Variants in TP73 observed in about 807,000 individuals in gnomAD.
TP73 encodes the protein tumor protein p73, also known as p53-like transcription factor.
TP73 carries 25 observed loss-of-function variants against 62.5 expected under a neutral mutation model. That is an observed-to-expected ratio of 0.40 (90% CI 0.29 to 0.56). TP73 has a LOEUF of 0.56. Among genes scored for constraint, TP73 ranks in the 20% least tolerant of loss-of-function variants. The pLI is 0.46. For missense variants in TP73, 754 were observed against 913.3 expected, an observed-to-expected ratio of 0.83 and a Z score of 2.25; for synonymous variants, 423 against 377.5, an observed-to-expected ratio of 1.12 and a Z score of -1.40.
At chr1:3,720,535 G>T (rs781222703) in intron 4 of TP73, among the ~76,000 whole-genome samples, 1 of 152,206 alleles carries the variant, frequency 6.6e-6, no homozygotes, top group South Asian at 2.1e-4. Context: ...GGTCTCATTC[G>T]GGGAGCCCAA....
Position 3,701,432 on chromosome 1 carries a change from G to A in TP73, c.187-6117G>A, listed in dbSNP as rs372137125. On this transcript the variant is annotated intron_variant, in intron 3 of 13. Transcript: ENST00000378295. The surrounding 1 kb of genome is among the most constrained non-coding windows in gnomAD (Gnocchi z 4.7). ...GGGCTCCCGGGCGAGAGTCACTTCCGATGAAGTCTCAGGTTACCATACTTC... is the reference window on the plus strand; with the variant it reads ...GGGCTCCCGGGCGAGAGTCACTTCCAATGAAGTCTCAGGTTACCATACTTC... 6.6e-6 allele frequency among the ~76,000 whole-genome samples: 1 copy of A among 152,090 alleles called. No individual in the cohort carries two copies. Among genetic ancestry groups the A allele is most frequent in the African/African-American group, 2.4e-5 (1 of 41,402 alleles).
chr1:3,706,040 G>A lies in TP73; in HGVS notation c.187-1509G>A, dbSNP rs147142582. ...TTTTTTGGATTGGAGGGGGCAGGCT[G>A]GTGGGAGGGAAGAGTGTGCTCACAG... On this transcript the variant is annotated intron_variant, in intron 3 of 13. Coordinates refer to ENST00000378295, the MANE Select transcript of TP73 (RefSeq NM_005427.4). Among the ~76,000 whole-genome samples the A allele has an allele frequency of 2.2e-3, 332 of 152,310 alleles. 1 individual carries two copies. Among genetic ancestry groups the A allele is most frequent in the Non-Finnish European group, 4.0e-3 (273 of 68,020 alleles).
At chr1:3,707,169 C>T (rs1053169601) in intron 3 of TP73, among the ~76,000 whole-genome samples, 13 of 152,192 alleles carry the variant, frequency 8.5e-5, no homozygotes, top group African/African-American at 2.9e-4. Context: ...TGGATCTCCC[C>T]ACTTTGAGCT....
intron 1 of TP73, among the ~76,000 whole-genome samples, chr1:3,680,788 C>T (rs1043530561): frequency 2.6e-5 from 4 of 152,372 alleles, no homozygotes; most frequent in Admixed American, 2.6e-4. Context: ...TCCCCATGCA[C>T]ACCCTCAGCT....
At chr1:3,680,968 C>T (rs1378896334) in intron 1 of TP73, among the ~76,000 whole-genome samples, 2 of 152,262 alleles carry the variant, frequency 1.3e-5, no homozygotes, top group Admixed American at 6.5e-5. Context: ...ACACAAGTCA[C>T]TTAACCCCTC....
chr1:3,724,083 G>A (rs947170809), intron 6 of TP73, among the ~76,000 whole-genome samples: 1 of 151,908 alleles, frequency 6.6e-6, no homozygotes, highest in African/African-American at 2.4e-5. Context: ...GAGGGGACAC[G>A]GAGAGGCTGG....
At chr1:3,679,970 CCT>C (rs1287097029) in intron 1 of TP73, among the ~76,000 whole-genome samples, 2 of 149,916 alleles carry the variant, frequency 1.3e-5, no homozygotes, top group Non-Finnish European at 3.0e-5. Flanking sequence ...TCTCTTTGTC[CCT>C]GTCTCTCTGT....
Position 3,731,542 on chromosome 1 carries a change from A to G in TP73, c.1564A>G (p.Asn522Asp). ...QGLQSIYHLQ[N>D]LTIEDLGALK... ...GTTACAGAGCATTTACCACCTGCAG[A>G]ACCTGACCATTGAGGTAACGCCCGG... Residue 522 changes from asparagine to aspartate, a missense_variant, in exon 13 of 14, where the codon AAC becomes GAC. Around this residue, in one of 3 missense-constraint regions of TP73, gnomAD observed 458 missense variants for 528.7 expected, o/e 0.87. Transcript: ENST00000378295. 3 of 1,613,814 alleles carry G rather than the reference A, an allele frequency of 1.9e-6. No individual in the cohort carries two copies. Among genetic ancestry groups the G allele is most frequent in the South Asian group, 2.2e-5 (2 of 91,088 alleles).
chr1:3,713,416 G>T (rs1640325423), intron 4 of TP73, among the ~76,000 whole-genome samples: 1 of 152,196 alleles, frequency 6.6e-6, no homozygotes, highest in South Asian at 2.1e-4. Context: ...GCCGTCCCAG[G>T]CTTCTCCTGG....
intron 1 of TP73, among the ~76,000 whole-genome samples, chr1:3,665,510 C>T (rs1204118853): frequency 6.6e-6 from 1 of 152,172 alleles, no homozygotes; most frequent in Non-Finnish European, 1.5e-5. Context: ...AGAGTCTACT[C>T]TTGACGATGA....
intron 1 of TP73, among the ~76,000 whole-genome samples, chr1:3,679,319 C>T (rs2102074254): frequency 6.6e-6 from 1 of 152,364 alleles, no homozygotes; most frequent in African/African-American, 2.4e-5. Context: ...CTGAGCCCTG[C>T]GCGGAGGGAT....
At chr1:3,728,548 G>C (rs997605662) in intron 9 of TP73, among the ~76,000 whole-genome samples, 15 of 152,236 alleles carry the variant, frequency 9.9e-5, no homozygotes, top group Non-Finnish European at 1.3e-4. Flanking sequence ...CCTAACGTTG[G>C]CCAGGACCCG....
intron 3 of TP73, among the ~76,000 whole-genome samples, chr1:3,693,915 G>T (rs1305730880): frequency 4.7e-5 from 1 of 21,062 alleles, no homozygotes; most frequent in Non-Finnish European, 1.4e-4. Flanking sequence ...CAGCCCTGCA[G>T]CCTCAGCCCC....
intron 7 of TP73, 63 bp downstream of exon 7, chr1:3,727,287 G>A (rs1641728321): frequency 6.7e-7 from 1 of 1,490,084 alleles, no homozygotes; most frequent in African/African-American, 1.4e-5. Context: ...CGGGGGAGAA[G>A]GGGAGCTGTC....
chr1:3,687,981 T>C (rs1332592035), intron 3 of TP73, among the ~76,000 whole-genome samples: 1 of 151,762 alleles, frequency 6.6e-6, no homozygotes, highest in Non-Finnish European at 1.5e-5. Context: ...CAGGGAGAGG[T>C]ATTCTCCCCA....
In TP73 at chr1:3,682,426, T is replaced by G. The variant is rs1645546401; in HGVS notation, c.61T>G (p.Ser21Ala). ...GGTTFEHLWSSLEPDSTYFDL... is the reference protein window; with the variant it reads ...GGTTFEHLWSALEPDSTYFDL... ...CACCACGTTTGAGCACCTCTGGAGC[T>G]CTCTGTGAGTGCGCTTGGCTGGCCA... is the stretch of plus-strand genomic sequence containing the variant. Residue 21 changes from serine (S) to alanine (A), a missense_variant, in exon 2 of 14, where the codon TCT becomes GCT. Coordinates refer to ENST00000378295, the MANE Select transcript of TP73 (RefSeq NM_005427.4). The G allele has an allele frequency of 6.5e-7, 1 of 1,533,890 alleles. No homozygotes were observed. Among genetic ancestry groups the G allele is most frequent in the Non-Finnish European group, 8.8e-7 (1 of 1,131,498 alleles).
In TP73 at chr1:3,720,634, G is replaced by A. The variant is rs555561198; in HGVS notation, c.430-1387G>A. Among the ~76,000 whole-genome samples the A allele has an allele frequency of 2.1e-4, 32 of 152,312 alleles. 1 individual carries two copies. Among genetic ancestry groups the A allele is most frequent in the African/African-American group, 7.2e-4 (30 of 41,574 alleles). On this transcript the variant is annotated intron_variant, in intron 4 of 13. Transcript: ENST00000378295. ...ACCCAGGCCCCACCCACCATGGCTC[G>A]CAGCCTCCGTCAGCTCCATCTCCCC... is the stretch of plus-strand genomic sequence containing the variant.
At chr1:3,694,917 C>G in intron 3 of TP73, among the ~76,000 whole-genome samples, 1 of 94,126 alleles carries the variant, frequency 1.1e-5, no homozygotes, top group East Asian at 2.6e-4. Flanking sequence ...CCCCTCCTCC[C>G]GCAATCCCAG....
chr1:3,693,779 C>G (rs867978971), intron 3 of TP73, among the ~76,000 whole-genome samples: 1 of 106,590 alleles, frequency 9.4e-6, no homozygotes, highest in East Asian at 2.5e-4. Flanking sequence ...CATGCAGCCT[C>G]AGCCCCTCCT....
Sources: gnomAD v4.1 joint callset for allele counts (sites outside exome capture counted in the v4.1 genomes callset) on GRCh38, gnomAD v4.1.1 for gene constraint, gnomAD v4.1.1 regional missense constraint, Gnocchi (gnomAD v3.1) non-coding constraint, MANE v1.5 for transcripts, NCBI Gene and HGNC (gene_info 2026-07-23, HGNC 2026-07-21) for gene names.